Variants in MAPK4 observed in about 807,000 individuals in gnomAD.
The protein encoded by MAPK4 is mitogen-activated protein kinase 4.
MAPK4 carries 22 observed loss-of-function variants against 47.7 expected under a neutral mutation model. That is an observed-to-expected ratio of 0.46 (90% CI 0.33 to 0.66). The LOEUF (loss-of-function observed/expected upper bound fraction) is 0.66. Ranked by LOEUF, MAPK4 falls within the 30% of genes least tolerant of loss-of-function variation. The probability of loss-of-function intolerance (pLI) is 0.02; values close to 1 mark genes in which losing one functional copy is unlikely to be tolerated. For synonymous variants in MAPK4, 390 were observed against 365.7 expected, an observed-to-expected ratio of 1.07 and a Z score of -0.76; for missense variants, 736 against 831.7, an observed-to-expected ratio of 0.88 and a Z score of 1.42.
At chr18:50,698,918 G>A (rs1199545558) in intron 2 of MAPK4, among the ~76,000 whole-genome samples, 6 of 152,080 alleles carry the variant, frequency 3.9e-5, no homozygotes, top group African/African-American at 1.4e-4. Context: ...CCCGCTATCT[G>A]GGAGGCTGAG....
chr18:50,584,448 C>T (rs2042372496), intron 1 of MAPK4, among the ~76,000 whole-genome samples: 1 of 152,080 alleles, frequency 6.6e-6, no homozygotes, highest in African/African-American at 2.4e-5. Flanking sequence ...AAAACAAAAA[C>T]AACAGATCCT....
intron 1 of MAPK4, among the ~76,000 whole-genome samples, chr18:50,565,798 A>G (rs1180336936): frequency 1.3e-5 from 2 of 152,194 alleles, no homozygotes; most frequent in South Asian, 2.1e-4. Flanking sequence ...GCAATAGGCC[A>G]TACCATATAG....
intron 3 of MAPK4, among the ~76,000 whole-genome samples, chr18:50,719,082 T>A (rs1422063651): frequency 2.7e-4 from 3 of 11,194 alleles, no homozygotes; most frequent in African/African-American, 8.4e-4. Flanking sequence ...AGACTCCACC[T>A]CAAAAAAAAA....
chr18:50,611,874 C>T (rs1354999051), intron 1 of MAPK4, among the ~76,000 whole-genome samples: 1 of 152,164 alleles, frequency 6.6e-6, no homozygotes, highest in Non-Finnish European at 1.5e-5. Flanking sequence ...AATACTGACT[C>T]TTTATGCAGG....
intron 2 of MAPK4, among the ~76,000 whole-genome samples, chr18:50,686,046 A>T: frequency 6.6e-6 from 1 of 151,132 alleles, no homozygotes; most frequent in Non-Finnish European, 1.5e-5. Flanking sequence ...AACTCACCTG[A>T]GGTGATGGTA....
chr18:50,586,895 A>G (rs148853706), intron 1 of MAPK4, among the ~76,000 whole-genome samples: 48 of 151,482 alleles, frequency 3.2e-4, no homozygotes, highest in Admixed American at 7.8e-4. Context: ...GCTCTGATTT[A>G]TATACCATTG....
chr18:50,585,497 G>T (rs1042135790), intron 1 of MAPK4, among the ~76,000 whole-genome samples: 4 of 152,140 alleles, frequency 2.6e-5, no homozygotes, highest in African/African-American at 4.8e-5. Context: ...AACATGTCTG[G>T]TTTTTTCTAC....
chr18:50,590,400 C>G (rs2149367140), intron 1 of MAPK4, among the ~76,000 whole-genome samples: 1 of 152,334 alleles, frequency 6.6e-6, no homozygotes, highest in Middle Eastern at 3.4e-3. Flanking sequence ...TGAGCTCATT[C>G]ACTCCTGGAC....
chr18:50,650,287 C>T (rs1477040724), intron 1 of MAPK4, among the ~76,000 whole-genome samples: 1 of 152,136 alleles, frequency 6.6e-6, no homozygotes, highest in Non-Finnish European at 1.5e-5. Flanking sequence ...GAGGTAAGGT[C>T]TTCTCTCTTG....
chr18:50,682,018 A>ACATGG (rs1257096967), intron 2 of MAPK4, among the ~76,000 whole-genome samples: 1 of 152,244 alleles, frequency 6.6e-6, no homozygotes, highest in Non-Finnish European at 1.5e-5. Flanking sequence ...TGTACAGAAT[A>ACATGG]GGCAAACCCA....
chr18:50,675,997 C>T (rs1253780190), intron 2 of MAPK4, among the ~76,000 whole-genome samples: 1 of 152,240 alleles, frequency 6.6e-6, no homozygotes, highest in African/African-American at 2.4e-5. Context: ...CATTGCTGCT[C>T]TGTACACATC....
chr18:50,598,725 C>A (rs1025047773), intron 1 of MAPK4, among the ~76,000 whole-genome samples: 2 of 152,178 alleles, frequency 1.3e-5, no homozygotes, highest in Non-Finnish European at 2.9e-5. Context: ...TTTAGCATTG[C>A]ACTTAGTTGT....
intron 1 of MAPK4, among the ~76,000 whole-genome samples, chr18:50,591,990 G>A (rs4322755): frequency 0.4 from 60,899 of 151,956 alleles, 13,217 homozygotes; most frequent in Middle Eastern, 0.49. Context: ...AAGCAGCTTT[G>A]TACATGGTAT....
chr18:50,572,227 AG>A (rs1437539177), intron 1 of MAPK4, among the ~76,000 whole-genome samples: 1 of 152,246 alleles, frequency 6.6e-6, no homozygotes, highest in Non-Finnish European at 1.5e-5. Flanking sequence ...GACACAGAGA[AG>A]AACGTTAGGG....
intron 2 of MAPK4, among the ~76,000 whole-genome samples, chr18:50,673,518 A>G (rs1489698182): frequency 6.6e-6 from 1 of 152,144 alleles, no homozygotes; most frequent in East Asian, 1.9e-4. Flanking sequence ...CCTAGAAAGT[A>G]TATTTTTTAT....
At chr18:50,601,005 C>T (rs1416715443) in intron 1 of MAPK4, among the ~76,000 whole-genome samples, 2 of 151,238 alleles carry the variant, frequency 1.3e-5, no homozygotes, top group Non-Finnish European at 1.5e-5. Flanking sequence ...CTCCTGTAAT[C>T]CCAGCACTTT....
At chr18:50,584,139 A>G (rs2042369637) in intron 1 of MAPK4, among the ~76,000 whole-genome samples, 1 of 152,146 alleles carries the variant, frequency 6.6e-6, no homozygotes, top group Non-Finnish European at 1.5e-5. Context: ...CTGGATAAAA[A>G]CCAATGTGTT....
At chr18:50,652,028 A>T (rs1194171453) in intron 1 of MAPK4, among the ~76,000 whole-genome samples, 1 of 152,204 alleles carries the variant, frequency 6.6e-6, no homozygotes, top group Non-Finnish European at 1.5e-5. Context: ...TCATGACTGT[A>T]CTTATTTCTG....
intron 1 of MAPK4, among the ~76,000 whole-genome samples, chr18:50,622,301 G>A (rs1396248964): frequency 1.3e-5 from 2 of 152,210 alleles, no homozygotes; most frequent in Non-Finnish European, 2.9e-5. Context: ...TAAGGCTTGG[G>A]AAAGGGGGAA....
Sources: allele counts gnomAD v4.1 joint callset (sites outside exome capture counted in the v4.1 genomes callset), GRCh38; gene constraint gnomAD v4.1.1; transcripts MANE v1.5; gene names NCBI Gene and HGNC (gene_info 2026-07-23, HGNC 2026-07-21).